The following NTM variants were observed in gnomAD, a reference collection of about 807,000 sequenced individuals.
The protein encoded by NTM is IgLON family member 2.
A neutral mutation model predicts 42.1 loss-of-function variants in NTM; 13 were observed. The ratio of observed to expected loss-of-function variants is 0.31; its 90% confidence interval spans 0.20 to 0.49. The LOEUF is 0.49. NTM is among the 20% of genes least tolerant of loss of function. The pLI is 0.99. For missense variants in NTM, 373 were observed against 452.8 expected, an observed-to-expected ratio of 0.82 and a Z score of 1.60; for synonymous variants, 187 against 179.2, an observed-to-expected ratio of 1.04 and a Z score of -0.35.
chr11:132,316,173 G>A (rs903022509), intron 7 of NTM, among the ~76,000 whole-genome samples: 1 of 146,590 alleles, frequency 6.8e-6, no homozygotes, highest in African/African-American at 2.6e-5. Flanking sequence ...AAATGGTTCA[G>A]CCATTGGCTT....
intron 2 of NTM, among the ~76,000 whole-genome samples, chr11:132,081,664 G>A (rs2059072249): frequency 6.6e-6 from 1 of 151,578 alleles, no homozygotes; most frequent in Admixed American, 6.6e-5. Flanking sequence ...CCCGGGAGGT[G>A]GAGCTTGCAG....
At chr11:131,789,709 C>G (rs1266071971) in intron 1 of NTM, among the ~76,000 whole-genome samples, 1 of 151,114 alleles carries the variant, frequency 6.6e-6, no homozygotes, top group African/African-American at 2.4e-5. Context: ...GTAATCCCAG[C>G]ACTTTGGGAG....
At chr11:131,635,574 A>G (rs1216961941) in intron 1 of NTM, among the ~76,000 whole-genome samples, 1 of 152,212 alleles carries the variant, frequency 6.6e-6, no homozygotes, top group Non-Finnish European at 1.5e-5. Context: ...TTTAAAAAAT[A>G]AAAAAGCTTG....
chr11:132,096,753 G>A (rs1018340209), intron 2 of NTM, among the ~76,000 whole-genome samples: 4 of 152,134 alleles, frequency 2.6e-5, no homozygotes, highest in Admixed American at 2.0e-4. Flanking sequence ...TAGGGCCTGC[G>A]GGGAGGGGAG....
At chr11:132,121,324 AT>A (rs1457423054) in intron 2 of NTM, among the ~76,000 whole-genome samples, 1 of 152,216 alleles carries the variant, frequency 6.6e-6, no homozygotes, top group Non-Finnish European at 1.5e-5. Context: ...AAAAAGTAAA[AT>A]ATAAAACAAA....
At chr11:132,071,721 C>T (rs1434494133) in intron 2 of NTM, among the ~76,000 whole-genome samples, 8 of 151,810 alleles carry the variant, frequency 5.3e-5, no homozygotes, top group Admixed American at 2.0e-4. Context: ...ATGGGGTGTG[C>T]GTTTTTGTGT....
chr11:131,932,033 G>A (rs1565766165), intron 2 of NTM, among the ~76,000 whole-genome samples: 1 of 152,208 alleles, frequency 6.6e-6, no homozygotes, highest in Admixed American at 6.5e-5. Context: ...TCAGAACCAG[G>A]AAGACTGATA....
chr11:131,838,996 T>C (rs923754943), intron 1 of NTM, among the ~76,000 whole-genome samples: 4 of 150,586 alleles, frequency 2.7e-5, no homozygotes, highest in Non-Finnish European at 5.9e-5. Context: ...AGTCTCGCAC[T>C]GTCACCCGGG....
chr11:131,636,712 C>G (rs1242004336), intron 1 of NTM, among the ~76,000 whole-genome samples: 2 of 152,216 alleles, frequency 1.3e-5, no homozygotes, highest in Admixed American at 6.5e-5. Flanking sequence ...CCTCCCGACT[C>G]TTCCTCTAAC....
intron 2 of NTM, among the ~76,000 whole-genome samples, chr11:132,094,097 C>T (rs894409452): frequency 6.6e-6 from 1 of 152,176 alleles, no homozygotes; most frequent in African/African-American, 2.4e-5. Context: ...AGTTGGCCAC[C>T]TTTGATTGGC....
intron 1 of NTM, among the ~76,000 whole-genome samples, chr11:131,567,332 C>T (rs920012423): frequency 1.3e-5 from 2 of 152,016 alleles, no homozygotes; most frequent in Non-Finnish European, 2.9e-5. Context: ...ACTAAAAATA[C>T]AAAAATTAGC....
chr11:131,430,885 G>A (rs1221673158), intron 1 of NTM, among the ~76,000 whole-genome samples: 6 of 152,196 alleles, frequency 3.9e-5, no homozygotes, highest in African/African-American at 9.7e-5. Flanking sequence ...GCGGGCTGCC[G>A]CCCTAATAGC....
At chr11:131,783,115 G>T (rs1055414376) in intron 1 of NTM, among the ~76,000 whole-genome samples, 4 of 152,052 alleles carry the variant, frequency 2.6e-5, no homozygotes, top group Non-Finnish European at 5.9e-5. Flanking sequence ...AATATTAATA[G>T]GTGAATTTAA....
chr11:131,516,869 G>T (rs1456964268), intron 1 of NTM, among the ~76,000 whole-genome samples: 1 of 152,048 alleles, frequency 6.6e-6, no homozygotes, highest in Non-Finnish European at 1.5e-5. Context: ...CATCCTCTTG[G>T]GCTCTTTTAA....
At chr11:131,557,508 T>C (rs1592044227) in intron 1 of NTM, among the ~76,000 whole-genome samples, 2 of 152,308 alleles carry the variant, frequency 1.3e-5, no homozygotes, top group African/African-American at 4.8e-5. Flanking sequence ...AAGTGCCTAT[T>C]AAGCGCTCTC....
intron 1 of NTM, chr11:131,770,833 A>G (rs2085958922): frequency 6.6e-6 from 1 of 152,130 alleles, no homozygotes; most frequent in South Asian, 2.1e-4. Context: ...TCTTGAGTCA[A>G]CTGGATCAGA....
At chr11:131,889,607 G>A (rs1198232520) in intron 1 of NTM, among the ~76,000 whole-genome samples, 3 of 152,162 alleles carry the variant, frequency 2.0e-5, no homozygotes, top group African/African-American at 7.2e-5. Flanking sequence ...ACTTCCACAA[G>A]GTTCTAAACA....
At chr11:132,190,302 G>A (rs570120941) in intron 3 of NTM, among the ~76,000 whole-genome samples, 4 of 152,292 alleles carry the variant, frequency 2.6e-5, no homozygotes, top group Admixed American at 2.6e-4. Flanking sequence ...AGGTAGCATA[G>A]CAAGGAAGGG....
chr11:132,162,761 CAT>C (rs961692530), intron 3 of NTM, among the ~76,000 whole-genome samples: 6 of 114,722 alleles, frequency 5.2e-5, no homozygotes, highest in South Asian at 3.0e-4. Context: ...TTGTGTGGGA[CAT>C]GTGTGTGTTT....
Sources: gnomAD v4.1 joint callset for allele counts (sites outside exome capture counted in the v4.1 genomes callset) on GRCh38, gnomAD v4.1.1 for gene constraint, MANE v1.5 for transcripts, NCBI Gene and HGNC (gene_info 2026-07-23, HGNC 2026-07-21) for gene names.